The following POLN variants were observed in gnomAD, a reference collection of about 807,000 sequenced individuals.
The protein encoded by POLN is DNA polymerase nu.
A neutral mutation model predicts 113.5 loss-of-function variants in POLN; 108 were observed. The ratio of observed to expected loss-of-function variants is 0.95; its 90% CI spans 0.81 to 1.12. The LOEUF (loss-of-function observed/expected upper bound fraction) is 1.12. Among genes scored for constraint, POLN ranks in the 50% most tolerant of loss-of-function variants. POLN has a pLI of 0.00. For missense variants in POLN, 1,097 were observed against 1,077.1 expected (o/e 1.02, Z -0.26); for synonymous variants, 386 against 391.5 (o/e 0.99, Z 0.17).
intron 19 of POLN, among the ~76,000 whole-genome samples, chr4:2,119,345 G>A (rs189034384): frequency 6.6e-6 from 1 of 152,174 alleles, no homozygotes; most frequent in Non-Finnish European, 1.5e-5. Context: ...CTTGAAGAAG[G>A]CGCCTTAATG....
chr4:2,081,229 C>A (rs1730409300), intron 22 of POLN, 193 bp from the exon 23 acceptor site: 5 of 1,527,808 alleles, frequency 3.3e-6, no homozygotes, highest in Non-Finnish European at 4.4e-6. Context: ...CTTGCTCCTG[C>A]AGGGCACCTG....
intron 24 of POLN, 100 bp downstream of exon 24, chr4:2,075,352 G>T: frequency 7.7e-7 from 1 of 1,294,096 alleles, no homozygotes; most frequent in Admixed American, 1.9e-5. Flanking sequence ...CCATAAAAGG[G>T]AAGACAGCTG....
chr4:2,135,554 C>T (rs542738898), intron 16 of POLN, among the ~76,000 whole-genome samples: 5 of 152,362 alleles, frequency 3.3e-5, no homozygotes, highest in African/African-American at 1.2e-4. Flanking sequence ...TGAGCAAACG[C>T]ATGTTCACAG....
chr4:2,170,692 G>A lies in POLN; in HGVS notation c.1541C>T (p.Thr514Ile), dbSNP rs750341238. ...CTGAAACCTTACCACTGCTTCTGAT[G>A]TAGACGGGTATTTCTGCAACCCCGT... ...PRTGLQKYPS[T>I]SEAVLNALRD... The change falls in exon 13 of 26, where the codon ACA (threonine) becomes ATA (isoleucine). Residue 514 changes from threonine to isoleucine, a missense_variant. Thr to Ile is a moderately conservative substitution (Grantham distance 89). Transcript: ENST00000511885. 2 of 1,613,190 alleles carry A rather than the reference G, an allele frequency of 1.2e-6. No individual in the cohort carries two copies. Among genetic ancestry groups the A allele is most frequent in the East Asian group, 2.2e-5 (1 of 44,894 alleles).
At chr4:2,201,472 T>G (rs963039889) in intron 5 of POLN, among the ~76,000 whole-genome samples, 2 of 151,324 alleles carry the variant, frequency 1.3e-5, no homozygotes, top group Admixed American at 6.6e-5. Flanking sequence ...GACAAGGTTT[T>G]CAAATTAACC....
At chr4:2,081,791 C>G in intron 21 of POLN, 48 bp from the exon 22 acceptor site, 1 of 1,508,268 alleles carries the variant, frequency 6.6e-7, no homozygotes, top group African/African-American at 1.4e-5. Flanking sequence ...ACAGGCACCA[C>G]AGCAGGTGCA....
intron 16 of POLN, among the ~76,000 whole-genome samples, chr4:2,143,162 A>G (rs539121262): frequency 5.3e-5 from 8 of 152,240 alleles, no homozygotes. Context: ...CTAGGCTTAT[A>G]CCTAAAAAGC....
At chr4:2,158,745 T>C (rs774469652) in intron 14 of POLN, among the ~76,000 whole-genome samples, 2 of 152,148 alleles carry the variant, frequency 1.3e-5, no homozygotes, top group Non-Finnish European at 2.9e-5. Context: ...GGGCCACTCA[T>C]GAAATCCCTG....
In POLN at chr4:2,072,110, G is replaced by A. The variant is rs375009548; in HGVS notation, c.*4C>T. ...CAGTTCTCTCCTCCCACTGTTGCCTGGGGCTACAGACAAAATGAAGGCGAA... is the reference window on the plus strand; with the variant it reads ...CAGTTCTCTCCTCCCACTGTTGCCTAGGGCTACAGACAAAATGAAGGCGAA... On this transcript the variant is annotated 3_prime_UTR_variant, in exon 26 of 26. Transcript: ENST00000511885. 8.7e-6 allele frequency: 14 copies of A among 1,612,828 alleles called. No homozygotes were observed. In the African/African-American group the frequency reaches 1.7e-4, roughly 20 times the overall value.
At chr4:2,232,850 C>T (rs1042075399) in intron 2 of POLN, among the ~76,000 whole-genome samples, 4 of 152,108 alleles carry the variant, frequency 2.6e-5, no homozygotes, top group Non-Finnish European at 5.9e-5. Context: ...TAAATTTTAG[C>T]CAGTATCACC....
intron 4 of POLN, among the ~76,000 whole-genome samples, chr4:2,209,127 A>G (rs531489902): frequency 1.3e-5 from 2 of 152,264 alleles, no homozygotes; most frequent in African/African-American, 4.8e-5. Context: ...AGTAAAAGCC[A>G]TTTGCAGAGA....
chr4:2,158,494 C>T (rs1190834572), intron 14 of POLN, among the ~76,000 whole-genome samples: 1 of 152,180 alleles, frequency 6.6e-6, no homozygotes, highest in Non-Finnish European at 1.5e-5. Flanking sequence ...TACCCTGACA[C>T]AGTGTCTCCT....
chr4:2,198,433 T>A, intron 6 of POLN, 91 bp downstream of exon 6: 1 of 1,198,638 alleles, frequency 8.3e-7, no homozygotes, highest in African/African-American at 1.6e-5. Flanking sequence ...TCTAAAAGTT[T>A]AAACTATTAA....
At chr4:2,109,314 T>A (rs534138647) in intron 19 of POLN, among the ~76,000 whole-genome samples, 1 of 152,334 alleles carries the variant, frequency 6.6e-6, no homozygotes, top group Non-Finnish European at 1.5e-5. Context: ...AAATAATGTA[T>A]GGTAATCAAT....
chr4:2,156,965 A>G, intron 15 of POLN, 112 bp from the exon 16 acceptor site: 2 of 851,988 alleles, frequency 2.3e-6, no homozygotes, highest in Non-Finnish European at 3.9e-6. Flanking sequence ...CCAGAGGCCA[A>G]CAAGCTGCTG....
At chr4:2,185,029 T>G (rs553583902) in intron 7 of POLN, among the ~76,000 whole-genome samples, 1 of 152,248 alleles carries the variant, frequency 6.6e-6, no homozygotes, top group South Asian at 2.1e-4. Context: ...AAATAGATGA[T>G]AAAAGGGGAT....
chr4:2,180,527 CT>C (rs1733112122), intron 7 of POLN, among the ~76,000 whole-genome samples: 1 of 152,116 alleles, frequency 6.6e-6, no homozygotes, highest in African/African-American at 2.4e-5. Flanking sequence ...AGTATTATGA[CT>C]TTCTCATTTG....
chr4:2,236,049 T>A (rs988124779), intron 2 of POLN, among the ~76,000 whole-genome samples: 1 of 152,208 alleles, frequency 6.6e-6, no homozygotes, highest in African/African-American at 2.4e-5. Context: ...TGCACACTCA[T>A]CAAAACTATC....
At chr4:2,205,854 G>A (rs182290014) in intron 5 of POLN, among the ~76,000 whole-genome samples, 15 of 143,020 alleles carry the variant, frequency 1.0e-4, no homozygotes, top group African/African-American at 2.9e-4. Flanking sequence ...CAGCTTGGGC[G>A]ACAGAGCGAG....
Sources: allele counts gnomAD v4.1 joint callset (sites outside exome capture counted in the v4.1 genomes callset), GRCh38; gene constraint gnomAD v4.1.1; transcripts MANE v1.5; gene names NCBI Gene and HGNC (gene_info 2026-07-23, HGNC 2026-07-21).